TIMM21: variants seen among roughly 807,000 people sequenced by gnomAD.
TIMM21 encodes the protein mitochondrial import inner membrane translocase subunit Tim21.
Under a neutral mutation model 27.7 loss-of-function variants are expected in TIMM21, and 30 were observed. The observed-to-expected ratio is 1.08, with a 90% CI of 0.81 to 1.47. The LOEUF is 1.47. TIMM21 is among the 40% of genes most tolerant of loss of function. The pLI is 0.00. For missense variants in TIMM21, 292 were observed against 302.9 expected (o/e 0.96, Z 0.27); for synonymous variants, 121 against 114.4 (o/e 1.06, Z -0.37).
chr18:74,159,866 C>T lies in TIMM21; in HGVS notation c.*1386C>T, dbSNP rs1346971839. 1 of 152,260 alleles carries T rather than the reference C, an allele frequency of 6.6e-6. No individual in the cohort carries two copies. Among genetic ancestry groups the T allele is most frequent in the Non-Finnish European group, 1.5e-5 (1 of 68,058 alleles). 9.4% of individuals were successfully genotyped at this position (152,260 alleles called of 1,614,324 possible). On this transcript the variant is annotated 3_prime_UTR_variant, in exon 6 of 6. Transcript: ENST00000169551. ...AAAAGCAGCCCTGCTCTTCAAACAA[C>T]CTGCTCAAACTGTAGCTTGCTGAAG...
At chr18:74,151,882 G>C (rs931761083) in intron 1 of TIMM21, among the ~76,000 whole-genome samples, 40 of 145,324 alleles carry the variant, frequency 2.8e-4, no homozygotes, top group African/African-American at 1.0e-3. Flanking sequence ...CTCTCAGCTG[G>C]TTTTGTGTTC....
At chr18:74,154,774 C>T (rs759710041) in intron 1 of TIMM21, among the ~76,000 whole-genome samples, 1 of 152,172 alleles carries the variant, frequency 6.6e-6, no homozygotes, top group Non-Finnish European at 1.5e-5. Context: ...GACTGGCATT[C>T]GAGCTAGTTA....
rs1568193086 is a variant in TIMM21, at chr18:74,159,065, C to A, written c.*585C>A. 6.5e-6 allele frequency: 1 copy of A among 153,918 alleles called. No individual in the cohort carries two copies. Among genetic ancestry groups the A allele is most frequent in the Non-Finnish European group, 1.4e-5 (1 of 69,530 alleles). The allele number at this position is 153,918 out of a possible 1,614,324, so 9.5% of individuals were successfully genotyped here. ...TCCCAAGTTGGGTAGACCTGGGCAC[C>A]CACCCCACCTTTTCTAGCAGGTGCG... is the stretch of plus-strand genomic sequence containing the variant. On this transcript the variant is annotated 3_prime_UTR_variant, in exon 6 of 6. Transcript: ENST00000169551.
Position 74,152,007 on chromosome 18 carries a change from G to T in TIMM21, c.301+2898G>T, listed in dbSNP as rs566719114. On this transcript the variant is annotated intron_variant, in intron 1 of 5. Coordinates refer to ENST00000169551, the MANE Select transcript of TIMM21 (RefSeq NM_014177.3). This position sits in a 1 kb window ranked among gnomAD's most constrained non-coding sequence, Gnocchi z 4.1. Reference sequence around the variant, plus strand: ...CTTCTCACCCTTCTCATGCCCAGTCGTGTTGTAACTTGGCCAGGAGGGGAG... The same window carrying T: ...CTTCTCACCCTTCTCATGCCCAGTCTTGTTGTAACTTGGCCAGGAGGGGAG... Among the ~76,000 whole-genome samples the T allele has an allele frequency of 1.4e-5, 2 of 146,960 alleles. No homozygotes were observed. Among genetic ancestry groups the T allele is most frequent in the Non-Finnish European group, 2.9e-5 (2 of 67,820 alleles).
At position 74,148,779 on chromosome 18, in the gene TIMM21, C is replaced by T; in HGVS notation, c.-30C>T. 2 of 1,590,008 alleles carry T rather than the reference C, an allele frequency of 1.3e-6. No individual in the cohort carries two copies. The highest frequency in any genetic ancestry group is 1.7e-4 in the Middle Eastern group (1 of 5,808). On this transcript the variant is annotated 5_prime_UTR_variant, in exon 1 of 6. Transcript: ENST00000169551. ...AAGCTTTCCTAATTGTAGTTAGCAT[C>T]GTCCCTAAGCGGAACGATTTTCCGT...
rs886480462 is a variant in TIMM21, at chr18:74,160,169, A to T, written c.*1689A>T. 6.6e-6 allele frequency: 1 copy of T among 152,036 alleles called. No individual in the cohort carries two copies. Among genetic ancestry groups the T allele is most frequent in the Non-Finnish European group, 1.5e-5 (1 of 68,036 alleles). 9.4% of individuals were successfully genotyped at this position (152,036 alleles called of 1,614,324 possible). The stretch of plus-strand genomic sequence containing the variant: ...CCCTATCTACTAAAAATTCAAAAAA[A>T]AAAAAATTAACCAGGCACGTTGACA... On this transcript the variant is annotated 3_prime_UTR_variant, in exon 6 of 6. Coordinates refer to ENST00000169551, the MANE Select transcript of TIMM21 (RefSeq NM_014177.3).
chr18:74,158,131 A>G (rs780740891), intron 4 of TIMM21, 40 bp from the exon 5 acceptor site: 2 of 1,613,860 alleles, frequency 1.2e-6, no homozygotes, highest in African/African-American at 2.7e-5. Context: ...GAGATTTTTA[A>G]ATGAAAGGAA....
intron 3 of TIMM21, 96 bp from the exon 4 acceptor site, chr18:74,157,918 G>A: frequency 1.5e-6 from 2 of 1,371,802 alleles, no homozygotes; most frequent in East Asian, 2.4e-5. Context: ...TAAGCTTACT[G>A]ATTTTTTTTT....
At position 74,152,351 on chromosome 18, in the gene TIMM21, G is replaced by A. The variant is rs1270939712; in HGVS notation, c.302-2794G>A. Among the ~76,000 whole-genome samples the A allele has an allele frequency of 1.3e-5, 2 of 152,044 alleles. No individual in the cohort carries two copies. The highest frequency in any genetic ancestry group is 4.8e-5 in the African/African-American group (2 of 41,398). On this transcript the variant is annotated intron_variant, in intron 1 of 5. Transcript: ENST00000169551. The surrounding 1 kb of genome is among the most constrained non-coding windows in gnomAD (Gnocchi z 4.1). Reference sequence around the variant, plus strand: ...CACCCACGCATTTTCTATCCTCTGGGTGCAATTTGAGTCTTGTTCTGCCGG... The same window carrying A: ...CACCCACGCATTTTCTATCCTCTGGATGCAATTTGAGTCTTGTTCTGCCGG...
rs1980005402 is a variant in TIMM21 at position 74,158,180 on chromosome 18, A to G, written c.546A>G (p.Glu182=). The G allele has an allele frequency of 6.2e-7, 1 of 1,614,154 alleles. No homozygotes were observed. The highest frequency in any genetic ancestry group is 8.5e-7 in the Non-Finnish European group (1 of 1,180,020). The stretch of plus-strand genomic sequence containing the variant: ...TTCGTTTTCTCGACAGGTTCACTGA[A>G]TATGTAAAAGATGGGCTGAAACACA... ...RGRRQHVRFT[E]YVKDGLKHTC... The change falls in exon 5 of 6, where the codon GAA becomes GAG. Residue 182 remains glutamate, a synonymous_variant. Coordinates refer to ENST00000169551, the MANE Select transcript of TIMM21 (RefSeq NM_014177.3).
chr18:74,155,749 C>T (rs957789393), intron 3 of TIMM21, among the ~76,000 whole-genome samples: 1 of 152,094 alleles, frequency 6.6e-6, no homozygotes, highest in Non-Finnish European at 1.5e-5. Context: ...TGACACTTAC[C>T]GAAAATGTGT....
In TIMM21 at chr18:74,148,911, T is replaced by A. The variant is rs767235348; in HGVS notation, c.103T>A (p.Leu35Met). 6.2e-7 allele frequency: 1 copy of A among 1,614,206 alleles called. No individual in the cohort carries two copies. Among genetic ancestry groups the A allele is most frequent in the Non-Finnish European group, 8.5e-7 (1 of 1,180,034 alleles). ...ATACATCGTGCTTAACAAAGCGTGC[T>A]TGAAGACTGAGCCCAGTTTGAGATG... ...LPYIVLNKAC[L>M]KTEPSLRCGL... The change falls in exon 1 of 6, where the codon TTG becomes ATG. Residue 35 changes from leucine to methionine, a missense_variant. Leu to Met is a conservative substitution (Grantham distance 15, BLOSUM62 2). Transcript: ENST00000169551.
At position 74,159,305 on chromosome 18, in the gene TIMM21, C is replaced by A. The variant is rs1346128843; in HGVS notation, c.*825C>A. On this transcript the variant is annotated 3_prime_UTR_variant, in exon 6 of 6. Transcript: ENST00000169551. ...GAAAAAAAAAAAAAAAAAGGAAATT[C>A]TATTTTATTTGAAATATTTGCTGGG... 1 of 146,138 alleles carries A rather than the reference C, an allele frequency of 6.8e-6. No homozygotes were observed. The highest frequency in any genetic ancestry group is 1.5e-5 in the Non-Finnish European group (1 of 66,458). The allele number at this position is 146,138 out of a possible 1,614,324, so 9.1% of individuals were successfully genotyped here. A position where few individuals can be genotyped will look rare whatever the true frequency, so the allele number is the denominator to read the frequency against.
Position 74,149,081 on chromosome 18 carries a change from G to A in TIMM21, c.273G>A (p.Gly91=), listed in dbSNP as rs772527916. The A allele has an allele frequency of 2.5e-6, 4 of 1,610,498 alleles. No homozygotes were observed. Among genetic ancestry groups the A allele is most frequent in the Non-Finnish European group, 3.4e-6 (4 of 1,177,420 alleles). Reference sequence around the variant, plus strand: ...TGTCTGTGCACAGGAGTCAGAGAGGGGGAACCGCCGTCCCAACATCACAAA... The same window carrying A: ...TGTCTGTGCACAGGAGTCAGAGAGGAGGAACCGCCGTCCCAACATCACAAA... ...KQVSVHRSQR[G]GTAVPTSQKV... The change falls in exon 1 of 6, where the codon GGG becomes GGA. Residue 91 remains glycine (G), a synonymous_variant. Transcript: ENST00000169551.
rs1472266389 is a variant in TIMM21, at chr18:74,159,645, T to A, written c.*1165T>A. 1 of 152,224 alleles carries A rather than the reference T, an allele frequency of 6.6e-6. No homozygotes were observed. The highest frequency in any genetic ancestry group is 2.4e-5 in the African/African-American group (1 of 41,454). The allele number at this position is 152,224 out of a possible 1,614,324, so 9.4% of individuals were successfully genotyped here. On this transcript the variant is annotated 3_prime_UTR_variant, in exon 6 of 6. Coordinates refer to ENST00000169551, the MANE Select transcript of TIMM21 (RefSeq NM_014177.3). Reference sequence around the variant, plus strand: ...TTAGATGTTTTTAATTATAAAAATTTCCAACATTTAAGGAGTATAGAAAAT... The same window carrying A: ...TTAGATGTTTTTAATTATAAAAATTACCAACATTTAAGGAGTATAGAAAAT...
Position 74,158,374 on chromosome 18 carries a change from A to G in TIMM21, c.643-2A>G. ...TACCTGGAAACACTACATTTTTTTC[A>G]GAACCCAGGAAGTGGTGAATATGAT... On this transcript the variant is annotated splice_acceptor_variant, in intron 5 of 5. Transcript: ENST00000169551. LOFTEE classifies it high-confidence loss of function. 6.2e-7 allele frequency: 1 copy of G among 1,605,740 alleles called. No homozygotes were observed. Among genetic ancestry groups the G allele is most frequent in the Non-Finnish European group, 8.5e-7 (1 of 1,175,466 alleles).
chr18:74,155,110 G>A (rs558712228), intron 1 of TIMM21, 35 bp from the exon 2 acceptor site: 23 of 1,607,498 alleles, frequency 1.4e-5, no homozygotes, highest in Middle Eastern at 3.3e-4. Flanking sequence ...GCTCCCAGCC[G>A]GCACCCGTAA....
rs780156026 is a variant in TIMM21 at position 74,158,077 on chromosome 18, C to T, written c.526C>T (p.Gln176Ter). Residue 176 changes from glutamine (Q) to a stop codon, truncating the protein, a stop_gained, in exon 4 of 6, where the codon CAG becomes TAG. Coordinates refer to ENST00000169551, the MANE Select transcript of TIMM21 (RefSeq NM_014177.3). LOFTEE classifies it high-confidence loss of function. ...YGEVTRRGRR[Q>*]HVRFTEYVKD... ...GGAGGTGACAAGGCGGGGTCGCCGG[C>T]AGCATGTCAGGTACTGTGGCTTGAA... 3.1e-6 allele frequency: 5 copies of T among 1,614,178 alleles called. No homozygotes were observed. The highest frequency in any genetic ancestry group is 4.2e-6 in the Non-Finnish European group (5 of 1,180,044).
chr18:74,156,303 A>G, intron 3 of TIMM21: 1 of 398,668 alleles, frequency 2.5e-6, no homozygotes, highest in Non-Finnish European at 4.4e-6. Context: ...AAGAGGAGAA[A>G]GATTTCAATC....
Sources: allele counts gnomAD v4.1 joint callset (sites outside exome capture counted in the v4.1 genomes callset), GRCh38; gene constraint gnomAD v4.1.1; non-coding constraint Gnocchi (gnomAD v3.1); transcripts MANE v1.5; gene names NCBI Gene and HGNC (gene_info 2026-07-23, HGNC 2026-07-21).